The following DNAH6 variants were observed in gnomAD, a reference collection of about 807,000 sequenced individuals.
DNAH6 encodes axonemal beta dynein heavy chain 6.
A neutral mutation model predicts 491.4 loss-of-function variants in DNAH6; 340 were observed. The observed-to-expected ratio is 0.69, with a 90% CI of 0.63 to 0.76. DNAH6 has a LOEUF of 0.76. DNAH6 is among the 30% of genes least tolerant of loss of function. The pLI, the probability that DNAH6 is intolerant of heterozygous loss-of-function variation, is 0.00. For synonymous variants in DNAH6, 1,603 were observed against 1,686.1 expected (o/e 0.95, Z 1.21); for missense variants, 4,443 against 4,972.2 (o/e 0.89, Z 3.20).
Position 84,547,262 on chromosome 2 carries a change from A to G in DNAH6, c.931-6A>G. On this transcript the variant is annotated splice_polypyrimidine_tract_variant and splice_region_variant and intron_variant, in intron 5 of 76. Transcript: ENST00000389394. ...TACTAAATAATAAATTCCTATTTTC[A>G]TTCAGCATTTGCGACCAGCTCTTCT... The G allele has an allele frequency of 6.6e-7, 1 of 1,521,154 alleles. No individual in the cohort carries two copies. The highest frequency in any genetic ancestry group is 2.5e-5 in the East Asian group (1 of 40,782). 94.2% of individuals were successfully genotyped at this position (1,521,154 alleles called of 1,614,324 possible).
chr2:84,478,277 C>A, the DNAH6 span, among the ~76,000 whole-genome samples: 6 of 152,228 alleles, frequency 3.9e-5, no homozygotes, highest in Non-Finnish European at 7.3e-5. Flanking sequence ...GAGACAGAAT[C>A]ACACAGCACA....
intron 64 of DNAH6, among the ~76,000 whole-genome samples, chr2:84,773,375 T>C (rs1344385841): frequency 6.6e-6 from 1 of 152,110 alleles, no homozygotes; most frequent in African/African-American, 2.4e-5. Flanking sequence ...TGCATCCATG[T>C]TGCTGCAAAG....
intron 76 of DNAH6, among the ~76,000 whole-genome samples, chr2:84,818,484 CAAAAAAAAAAAAAA>C (rs59242387): frequency 9.4e-5 from 6 of 63,846 alleles, no homozygotes; most frequent in East Asian, 7.2e-4. Flanking sequence ...GACCCTATCT[CAAAAAAAAAAAAAA>C]AAAAAAAAAA....
chr2:84,802,986 A>C (rs1679070217), intron 70 of DNAH6, among the ~76,000 whole-genome samples: 2 of 152,200 alleles, frequency 1.3e-5, no homozygotes, highest in Non-Finnish European at 2.9e-5. Flanking sequence ...AATTAAGGCA[A>C]AAATCAAAAA....
intron 18 of DNAH6, among the ~76,000 whole-genome samples, chr2:84,598,164 TTTC>T: frequency 5.6e-5 from 4 of 71,190 alleles, no homozygotes; most frequent in African/African-American, 1.4e-4. Context: ...TCTTTCTTTC[TTTC>T]TTTCTTTCTT....
At chr2:84,715,475 T>C in intron 57 of DNAH6, 85 bp from the exon 58 acceptor site, 2 of 1,266,650 alleles carry the variant, frequency 1.6e-6, no homozygotes, top group East Asian at 5.1e-5. Flanking sequence ...TCCGCCTGGG[T>C]AGTAATGAGC....
chr2:84,508,188 G>T, the DNAH6 span, among the ~76,000 whole-genome samples: 2 of 152,074 alleles, frequency 1.3e-5, no homozygotes, highest in East Asian at 1.9e-4. Flanking sequence ...CTGTGAATCC[G>T]TCTGGTCCTG....
intron 33 of DNAH6, among the ~76,000 whole-genome samples, chr2:84,645,931 A>G (rs1689849080): frequency 6.6e-6 from 1 of 152,102 alleles, no homozygotes; most frequent in African/African-American, 2.4e-5. Context: ...TGTGTCTCCA[A>G]AGTTGAGGGC....
chr2:84,701,630 T>C (rs1237612573), intron 49 of DNAH6, among the ~76,000 whole-genome samples: 1 of 152,178 alleles, frequency 6.6e-6, no homozygotes, highest in East Asian at 1.9e-4. Context: ...GCACATTTTA[T>C]GTGGCAAGAG....
intron 62 of DNAH6, among the ~76,000 whole-genome samples, chr2:84,740,143 C>T (rs1300684776): frequency 6.6e-6 from 1 of 151,942 alleles, no homozygotes; most frequent in South Asian, 2.1e-4. Context: ...TTTCAGAGTG[C>T]CAACTCTCTG....
At chr2:84,555,635 A>G (rs935066808) in intron 10 of DNAH6, among the ~76,000 whole-genome samples, 7 of 152,136 alleles carry the variant, frequency 4.6e-5, no homozygotes, top group Non-Finnish European at 7.3e-5. Context: ...CTTTTCTTTT[A>G]AGCCCCACTC....
chr2:84,623,942 T>G (rs1409906846), intron 26 of DNAH6, among the ~76,000 whole-genome samples: 1 of 152,202 alleles, frequency 6.6e-6, no homozygotes, highest in Non-Finnish European at 1.5e-5. Flanking sequence ...CACATAGTGG[T>G]TAAGAACGTG....
At chr2:84,749,987 A>G in intron 63 of DNAH6, among the ~76,000 whole-genome samples, 1 of 152,316 alleles carries the variant, frequency 6.6e-6, no homozygotes, top group Middle Eastern at 3.4e-3. Context: ...TTTAGATCCT[A>G]ACTTAACATA....
chr2:84,783,383 T>C (rs1186296453), intron 65 of DNAH6, among the ~76,000 whole-genome samples: 2 of 152,232 alleles, frequency 1.3e-5, no homozygotes, highest in African/African-American at 4.8e-5. Flanking sequence ...CTTTTGCAAT[T>C]ATAAGAACAA....
intron 60 of DNAH6, among the ~76,000 whole-genome samples, chr2:84,723,386 G>A (rs1017567928): frequency 1.6e-3 from 241 of 152,152 alleles, no homozygotes; most frequent in African/African-American, 5.4e-3. Context: ...AGAACACTCT[G>A]TAGAGGAAGA....
chr2:84,545,342 T>G (rs1049730736), intron 5 of DNAH6, among the ~76,000 whole-genome samples: 2 of 152,176 alleles, frequency 1.3e-5, no homozygotes, highest in Admixed American at 6.5e-5. Flanking sequence ...TTGTGCATTC[T>G]GAGTTGTGAA....
chr2:84,763,299 G>A (rs1318486844), intron 64 of DNAH6, among the ~76,000 whole-genome samples: 1 of 152,050 alleles, frequency 6.6e-6, no homozygotes, highest in African/African-American at 2.4e-5. Context: ...AGCTCTTCAT[G>A]TTCTATTATT....
At chr2:84,660,291 A>G (rs1194714093) in intron 37 of DNAH6, among the ~76,000 whole-genome samples, 2 of 152,184 alleles carry the variant, frequency 1.3e-5, no homozygotes, top group African/African-American at 4.8e-5. Context: ...AGAGACTTCC[A>G]CTGGTCAAAA....
chr2:84,705,748 G>T lies in DNAH6; in HGVS notation c.8727+1G>T. 6.5e-7 allele frequency: 1 copy of T among 1,539,432 alleles called. No homozygotes were observed. On this transcript the variant is annotated splice_donor_variant, in intron 52 of 76. Transcript: ENST00000389394. LOFTEE classifies it high-confidence loss of function. ...AAGACAAAAGCTCCGCGCCGCACAGGTACATTTTCTGTATTGTGATATTTT... is the reference window on the plus strand; with the variant it reads ...AAGACAAAAGCTCCGCGCCGCACAGTTACATTTTCTGTATTGTGATATTTT...
Sources: allele counts gnomAD v4.1 joint callset (sites outside exome capture counted in the v4.1 genomes callset), GRCh38; gene constraint gnomAD v4.1.1; transcripts MANE v1.5; gene names NCBI Gene and HGNC (gene_info 2026-07-23, HGNC 2026-07-21).